THOC2: variants seen among roughly 807,000 people sequenced by gnomAD.
The protein encoded by THOC2 is THO complex 2.
A neutral mutation model predicts 128.4 loss-of-function variants in THOC2; 10 were observed. The ratio of observed to expected loss-of-function variants is 0.08; its 90% CI spans 0.05 to 0.13. The LOEUF (loss-of-function observed/expected upper bound fraction) is 0.13, where lower values mean the gene tolerates loss of function less well. Ranked by LOEUF, THOC2 falls within the 10% of genes least tolerant of loss-of-function variation. THOC2 has a pLI of 1.00. For missense variants in THOC2, 535 were observed against 1,155.7 expected (o/e 0.46, Z 7.79); for synonymous variants, 393 against 396.9 (o/e 0.99, Z 0.12).
chrX:123,606,324 G>C (rs1307092883), intron 38 of THOC2, among the ~76,000 whole-genome samples: 1 of 109,857 alleles, frequency 9.1e-6, no homozygotes, highest in Non-Finnish European at 1.9e-5. Context: ...GGGCGTGGTG[G>C]CTCACACCTG....
At chrX:123,607,704 G>A (rs965953198) in intron 38 of THOC2, among the ~76,000 whole-genome samples, 2 of 109,907 alleles carry the variant, frequency 1.8e-5, no homozygotes, top group Admixed American at 2.0e-4. Flanking sequence ...TAAAAAAACT[G>A]TTCTAAAAAC....
At chrX:123,610,460 G>C (rs1341294518) in intron 38 of THOC2, among the ~76,000 whole-genome samples, 1 of 110,673 alleles carries the variant, frequency 9.0e-6, no homozygotes, top group Non-Finnish European at 1.9e-5. Context: ...AAAGCAAAAG[G>C]AACAGAGAAC....
chrX:123,674,065 TTG>T (rs1205506916), intron 8 of THOC2, among the ~76,000 whole-genome samples: 1 of 112,206 alleles, frequency 8.9e-6, no homozygotes, highest in African/African-American at 3.2e-5. Flanking sequence ...GATTCTGTTG[TTG>T]TGTGTAATGT....
chrX:123,720,243 C>T (rs1004084261), intron 1 of THOC2, among the ~76,000 whole-genome samples: 1 of 109,103 alleles, frequency 9.2e-6, no homozygotes, highest in Non-Finnish European at 1.9e-5. Flanking sequence ...GCTAGGAGTT[C>T]GAGACCAGCC....
At chrX:123,676,983 T>A (rs1044472852) in intron 8 of THOC2, among the ~76,000 whole-genome samples, 7 of 111,620 alleles carry the variant, frequency 6.3e-5, no homozygotes, top group Non-Finnish European at 9.4e-5. Context: ...ATATCATGTA[T>A]CACTTAACAA....
At chrX:123,663,690 A>G (rs1412523415) in intron 12 of THOC2, among the ~76,000 whole-genome samples, 1 of 108,897 alleles carries the variant, frequency 9.2e-6, no homozygotes, top group Non-Finnish European at 1.9e-5. Context: ...TTACATATGT[A>G]TACATGTGCC....
intron 1 of THOC2, among the ~76,000 whole-genome samples, chrX:123,721,679 G>A (rs1478401489): frequency 6.5e-5 from 7 of 108,005 alleles, no homozygotes; most frequent in African/African-American, 2.4e-4. Flanking sequence ...CCAGCTACTC[G>A]GGAGCCTGAG....
chrX:123,619,700 ATT>A, intron 32 of THOC2: 1 of 304,461 alleles, frequency 3.3e-6, no homozygotes, highest in Non-Finnish European at 5.9e-6. Context: ...TCAATGCCAC[ATT>A]GTTCATATCT....
chrX:123,705,542 G>A lies in THOC2; in HGVS notation c.222+1316C>T, dbSNP rs750229342. Among the ~76,000 whole-genome samples the A allele has an allele frequency of 5.4e-4, 59 of 109,759 alleles. 1 individual carries two copies. Among genetic ancestry groups the A allele is most frequent in the African/African-American group, 1.9e-3 (57 of 30,401 alleles). On this transcript the variant is annotated intron_variant, in intron 3 of 38. Transcript: ENST00000245838. ...TTGGTAGCAACTGAATTTTTTTAAC[G>A]TTAAAAAAAAAGGAATTTGACTACT... is the stretch of plus-strand genomic sequence containing the variant.
chrX:123,667,130 A>T lies in THOC2; in HGVS notation c.1166T>A (p.Ile389Lys). 8.4e-7 allele frequency: 1 copy of T among 1,196,921 alleles called. No individual in the cohort carries two copies. Among genetic ancestry groups the T allele is most frequent in the Non-Finnish European group, 1.1e-6 (1 of 888,823 alleles). Residue 389 changes from isoleucine (I) to lysine (K), a missense_variant, in exon 11 of 39, where the codon ATA becomes AAA. Ile to Lys is a moderately radical substitution (Grantham distance 102). This residue lies in a region of THOC2 where 197 missense variants were observed against 313.4 expected (regional missense o/e 0.63). Transcript: ENST00000245838. ...IALAICKLIHITIEPLYRRVG... is the reference protein window; with the variant it reads ...IALAICKLIHKTIEPLYRRVG... ...CCTTCGGTAGAGAGGCTCAATAGTTATATGAATGAGCTTGCAAATAGCAAG... is the reference window on the plus strand; with the variant it reads ...CCTTCGGTAGAGAGGCTCAATAGTTTTATGAATGAGCTTGCAAATAGCAAG...
chrX:123,655,473 T>C lies in THOC2; in HGVS notation c.1387-10098A>G, dbSNP rs939953758. Among the ~76,000 whole-genome samples the C allele has an allele frequency of 7.1e-5, 8 of 112,148 alleles. No individual in the cohort carries two copies. The South Asian group carries it at 2.2e-3, about 31-fold the overall frequency. On this transcript the variant is annotated intron_variant, in intron 12 of 38. Transcript: ENST00000245838. ...CTCCTTGCAATCCAAATTTTTATTA[T>C]GAAAAATTTCAAATTACATAAAAAC...
intron 1 of THOC2, 47 bp downstream of exon 1, chrX:123,732,905 C>CCCTGG (rs757759272): frequency 2.0e-5 from 23 of 1,159,406 alleles, no homozygotes; most frequent in Non-Finnish European, 2.6e-5. Context: ...GCAGCTGACG[C>CCCTGG]CCTGGCCCGG....
At chrX:123,667,855 CT>C (rs1425457837) in intron 10 of THOC2, among the ~76,000 whole-genome samples, 7 of 110,842 alleles carry the variant, frequency 6.3e-5, no homozygotes, top group African/African-American at 2.3e-4. Context: ...AATTCATCAT[CT>C]CTGAGAATCT....
chrX:123,677,512 A>G (rs1009026290), intron 8 of THOC2, among the ~76,000 whole-genome samples: 2 of 111,879 alleles, frequency 1.8e-5, no homozygotes, highest in Non-Finnish European at 3.8e-5. Flanking sequence ...TAAAACACAC[A>G]TTGTACAGCT....
intron 20 of THOC2, among the ~76,000 whole-genome samples, chrX:123,633,509 T>A (rs1437061763): frequency 9.0e-6 from 1 of 111,273 alleles, no homozygotes; most frequent in Non-Finnish European, 1.9e-5. Context: ...TTCAAGCAAT[T>A]CTCCTGCCTC....
At chrX:123,655,820 A>G (rs1472684400) in intron 12 of THOC2, among the ~76,000 whole-genome samples, 1 of 111,618 alleles carries the variant, frequency 9.0e-6, no homozygotes, top group Non-Finnish European at 1.9e-5. Flanking sequence ...CCACATATAC[A>G]GTCTTTCTAG....
At chrX:123,628,457 G>A (rs1277125131) in intron 22 of THOC2, among the ~76,000 whole-genome samples, 1 of 111,705 alleles carries the variant, frequency 9.0e-6, no homozygotes, top group African/African-American at 3.3e-5. Context: ...GTTAAAATTT[G>A]TCAATTAAAA....
At chrX:123,615,776 C>CA (rs760867615) in intron 33 of THOC2, among the ~76,000 whole-genome samples, 30 of 110,373 alleles carry the variant, frequency 2.7e-4, no homozygotes, top group Non-Finnish European at 5.3e-4. Flanking sequence ...CATTAATGTT[C>CA]AAATACTTCA....
intron 12 of THOC2, among the ~76,000 whole-genome samples, chrX:123,664,067 C>T (rs1008542376): frequency 4.5e-5 from 5 of 111,659 alleles, no homozygotes; most frequent in East Asian, 2.8e-4. Context: ...TAAATAGTGC[C>T]GCAGTAAACA....
Sources: gnomAD v4.1 joint callset for allele counts (sites outside exome capture counted in the v4.1 genomes callset) on GRCh38, gnomAD v4.1.1 for gene constraint, gnomAD v4.1.1 regional missense constraint, MANE v1.5 for transcripts, NCBI Gene and HGNC (gene_info 2026-07-23, HGNC 2026-07-21) for gene names.